Variants in CAPS2 observed in about 807,000 individuals in gnomAD.
CAPS2 encodes calcyphosine 2.
Under a neutral mutation model 86.5 loss-of-function variants are expected in CAPS2, and 98 were observed. The observed-to-expected ratio is 1.13, with a 90% confidence interval of 0.96 to 1.34. The LOEUF is 1.34. Ranked by LOEUF, CAPS2 falls within the 40% of genes most tolerant of loss-of-function variation. The pLI, the probability that CAPS2 is intolerant of heterozygous loss-of-function variation, is 0.00. For synonymous variants in CAPS2, 210 were observed against 225.1 expected, an observed-to-expected ratio of 0.93 and a Z score of 0.60; for missense variants, 729 against 686.8, an observed-to-expected ratio of 1.06 and a Z score of -0.69.
intron 5 of CAPS2, among the ~76,000 whole-genome samples, chr12:75,317,411 T>C (rs2094308806): frequency 6.6e-6 from 1 of 152,192 alleles, no homozygotes; most frequent in Non-Finnish European, 1.5e-5. Flanking sequence ...TTAGCATTTA[T>C]AGGTAAATTA....
intron 2 of CAPS2, among the ~76,000 whole-genome samples, chr12:75,324,812 A>T (rs1203236843): frequency 6.6e-6 from 1 of 152,106 alleles, no homozygotes; most frequent in Admixed American, 6.5e-5. Context: ...TATACTCTAA[A>T]CCAAAAATAA....
intron 1 of CAPS2, among the ~76,000 whole-genome samples, chr12:75,382,791 G>A (rs1393774247): frequency 6.6e-6 from 1 of 152,130 alleles, no homozygotes; most frequent in Non-Finnish European, 1.5e-5. Context: ...TAAAATTAAA[G>A]CTATATCTGT....
intron 1 of CAPS2, among the ~76,000 whole-genome samples, chr12:75,347,072 C>T (rs2042502243): frequency 6.6e-6 from 1 of 151,250 alleles, no homozygotes; most frequent in Non-Finnish European, 1.5e-5. Context: ...TTCTTTGCAA[C>T]TAGATAAAAA....
At chr12:75,363,124 C>A in intron 1 of CAPS2, 1 of 1,558,696 alleles carries the variant, frequency 6.4e-7, no homozygotes, top group Non-Finnish European at 8.6e-7. Flanking sequence ...AAATATGCCT[C>A]CTTACGTAAG....
chr12:75,343,443 A>G (rs558287837), intron 1 of CAPS2, among the ~76,000 whole-genome samples: 3 of 151,952 alleles, frequency 2.0e-5, no homozygotes, highest in African/African-American at 7.2e-5. Flanking sequence ...TTGTTTAGTG[A>G]CTCTAATGTA....
intron 7 of CAPS2, chr12:75,305,936 C>A: frequency 9.3e-7 from 1 of 1,075,384 alleles, no homozygotes; most frequent in Non-Finnish European, 1.4e-6. Flanking sequence ...CTGGTGAAAG[C>A]GCTGGAGCCC....
intron 7 of CAPS2, chr12:75,306,406 C>G: frequency 9.7e-5 from 36 of 371,612 alleles, no homozygotes; most frequent in Non-Finnish European, 1.6e-4. Flanking sequence ...CTCACCAGGC[C>G]TGTGGAAGGG....
intron 6 of CAPS2, 92 bp downstream of exon 6, chr12:75,316,220 G>C: frequency 6.9e-7 from 1 of 1,449,168 alleles, no homozygotes. Flanking sequence ...AAATTCAACT[G>C]TTGCAATTAT....
At chr12:75,385,433 A>G (rs2045240443) in intron 1 of CAPS2, among the ~76,000 whole-genome samples, 2 of 152,140 alleles carry the variant, frequency 1.3e-5, no homozygotes, top group Admixed American at 6.5e-5. Context: ...ATAAACTAGG[A>G]ATAGTAGGAA....
chr12:75,389,286 C>T (rs1160012596), intron 1 of CAPS2, among the ~76,000 whole-genome samples: 4 of 152,298 alleles, frequency 2.6e-5, no homozygotes, highest in Non-Finnish European at 5.9e-5. Context: ...GGATAGACTC[C>T]ATGTCTAGCT....
intron 1 of CAPS2, among the ~76,000 whole-genome samples, chr12:75,355,190 G>A (rs763342813): frequency 1.3e-5 from 2 of 152,224 alleles, no homozygotes; most frequent in South Asian, 4.1e-4. Context: ...GAGTAAACAA[G>A]CAACCTACAG....
At chr12:75,340,415 T>A (rs1489755611) in intron 1 of CAPS2, among the ~76,000 whole-genome samples, 1 of 151,660 alleles carries the variant, frequency 6.6e-6, no homozygotes, top group Non-Finnish European at 1.5e-5. Context: ...GAAAAAACTT[T>A]GACCTAAAGA....
At chr12:75,305,615 C>T (rs2038370129) in intron 7 of CAPS2, 5 of 615,562 alleles carry the variant, frequency 8.1e-6, no homozygotes, top group East Asian at 3.7e-5. Context: ...CCCGAGCGAC[C>T]GGAAGGCTCA....
chr12:75,367,779 T>G (rs1383715719), intron 1 of CAPS2, among the ~76,000 whole-genome samples: 1 of 152,148 alleles, frequency 6.6e-6, no homozygotes, highest in African/African-American at 2.4e-5. Context: ...TTCTAATCTT[T>G]ATATTATTTA....
At chr12:75,311,759 AAG>A (rs2039253564) in intron 7 of CAPS2, among the ~76,000 whole-genome samples, 1 of 148,594 alleles carries the variant, frequency 6.7e-6, no homozygotes, top group Non-Finnish European at 1.5e-5. Flanking sequence ...CAAAGAAAAT[AAG>A]GTTTCAAATG....
intron 14 of CAPS2, among the ~76,000 whole-genome samples, chr12:75,289,126 C>T (rs2035406374): frequency 6.6e-6 from 1 of 152,176 alleles, no homozygotes; most frequent in East Asian, 1.9e-4. Flanking sequence ...CAAGCTTTCA[C>T]ATGTGTCTCC....
chr12:75,343,863 G>T (rs139384889), intron 1 of CAPS2: 2 of 1,612,548 alleles, frequency 1.2e-6, no homozygotes, highest in African/African-American at 1.3e-5. Context: ...ATGCCATTAC[G>T]GCTTGGTATA....
chr12:75,325,009 A>G (rs1351703783), intron 2 of CAPS2, among the ~76,000 whole-genome samples: 2 of 152,100 alleles, frequency 1.3e-5, no homozygotes, highest in African/African-American at 2.4e-5. Context: ...AATGTAAAAC[A>G]TATTAAGGAA....
At chr12:75,278,812 A>G (rs2033344430) in exon 17 of CAPS2, 1 of 1,349,240 alleles carries the variant, frequency 7.4e-7, no homozygotes. Context: ...AATATATTCC[A>G]GTGTTTGATC....
Sources: allele counts gnomAD v4.1 joint callset (sites outside exome capture counted in the v4.1 genomes callset), GRCh38; gene constraint gnomAD v4.1.1; transcripts MANE v1.5; gene names NCBI Gene and HGNC (gene_info 2026-07-23, HGNC 2026-07-21).